The following VEPH1 variants were observed in gnomAD, a reference collection of about 807,000 sequenced individuals.
VEPH1 encodes the protein ventricular zone-expressed PH domain-containing protein homolog 1.
Under a neutral mutation model 85.2 loss-of-function variants are expected in VEPH1, and 80 were observed. The observed-to-expected ratio is 0.94, with a 90% CI of 0.78 to 1.13. VEPH1 has a LOEUF of 1.13. Among genes scored for constraint, VEPH1 ranks in the 50% most tolerant of loss-of-function variants. The probability of loss-of-function intolerance (pLI) is 0.00; values close to 1 mark genes in which losing one functional copy is unlikely to be tolerated. For missense variants in VEPH1, 955 were observed against 980.5 expected, an observed-to-expected ratio of 0.97 and a Z score of 0.35; for synonymous variants, 297 against 348.0, an observed-to-expected ratio of 0.85 and a Z score of 1.63.
intron 12 of VEPH1, among the ~76,000 whole-genome samples, chr3:157,277,371 T>A (rs550476959): frequency 6.6e-6 from 1 of 152,328 alleles, no homozygotes; most frequent in East Asian, 1.9e-4. Context: ...ATTGTAGAGT[T>A]TGCCTGGGGT....
At chr3:157,325,529 A>G (rs545348675) in intron 9 of VEPH1, among the ~76,000 whole-genome samples, 13 of 152,238 alleles carry the variant, frequency 8.5e-5, no homozygotes, top group African/African-American at 3.1e-4. Flanking sequence ...AGGTGTAAGG[A>G]AGGGGTCCAG....
In VEPH1 at chr3:157,414,011, A is replaced by G. The variant is rs768238298; in HGVS notation, c.776T>C (p.Ile259Thr). Reference protein sequence around the residue: ...THNDIILNILIEIAVYEPVAL... With the variant: ...THNDIILNILTEIAVYEPVAL... ...CACTGGCTCATAGACTGCTATCTCT[A>G]TGAGGATGTTTAGGATGATGTCATT... is the stretch of plus-strand genomic sequence containing the variant. Residue 259 changes from isoleucine (I) to threonine (T), a missense_variant, in exon 6 of 14, where the codon ATA (isoleucine) becomes ACA (threonine). Transcript: ENST00000362010. 6.2e-6 allele frequency: 10 copies of G among 1,613,448 alleles called. No homozygotes were observed. In the East Asian group the frequency reaches 8.9e-5, roughly 14 times the overall value.
At chr3:157,306,502 C>T (rs945464480) in intron 11 of VEPH1, among the ~76,000 whole-genome samples, 2 of 152,056 alleles carry the variant, frequency 1.3e-5, no homozygotes, top group African/African-American at 4.8e-5. Flanking sequence ...AATTAATTCA[C>T]TTTACCTGCC....
chr3:157,425,788 T>C (rs1732712498), intron 5 of VEPH1, among the ~76,000 whole-genome samples: 2 of 152,146 alleles, frequency 1.3e-5, no homozygotes, highest in South Asian at 2.1e-4. Context: ...GGTTTTGAAA[T>C]GTGAGGACAT....
At chr3:157,329,630 T>TAA (rs1461799135) in intron 9 of VEPH1, among the ~76,000 whole-genome samples, 3 of 152,138 alleles carry the variant, frequency 2.0e-5, no homozygotes, top group African/African-American at 7.2e-5. Context: ...CCTTTTTTTT[T>TAA]TTACTATTTC....
chr3:157,330,367 C>T (rs1324518922), intron 9 of VEPH1, among the ~76,000 whole-genome samples: 1 of 152,178 alleles, frequency 6.6e-6, no homozygotes, highest in African/African-American at 2.4e-5. Flanking sequence ...AACCCATCTG[C>T]ACTGTATGAT....
chr3:157,302,677 T>C (rs1235827346), intron 11 of VEPH1, among the ~76,000 whole-genome samples: 2 of 152,328 alleles, frequency 1.3e-5, no homozygotes, highest in East Asian at 1.9e-4. Context: ...TATTTTGTTA[T>C]AGCAGCCCAA....
intron 9 of VEPH1, among the ~76,000 whole-genome samples, chr3:157,323,284 T>C (rs1243198498): frequency 1.3e-5 from 2 of 152,226 alleles, no homozygotes; most frequent in African/African-American, 4.8e-5. Context: ...AATAACTGTT[T>C]GAAATTACAT....
At chr3:157,424,891 G>A (rs1015157539) in intron 5 of VEPH1, among the ~76,000 whole-genome samples, 11 of 152,172 alleles carry the variant, frequency 7.2e-5, no homozygotes, top group South Asian at 2.1e-4. Flanking sequence ...AATTCAAGCC[G>A]GATGCAGAAA....
At chr3:157,282,130 A>G (rs1716209259) in intron 12 of VEPH1, among the ~76,000 whole-genome samples, 1 of 152,234 alleles carries the variant, frequency 6.6e-6, no homozygotes, top group East Asian at 1.9e-4. Context: ...TTGCCCATGT[A>G]TTCATAATCT....
intron 2 of VEPH1, among the ~76,000 whole-genome samples, chr3:157,479,161 T>C (rs1009323882): frequency 9.2e-5 from 14 of 152,294 alleles, no homozygotes; most frequent in African/African-American, 3.1e-4. Context: ...GAAATACATA[T>C]GTGTATGTGT....
chr3:157,436,987 G>A, intron 4 of VEPH1: 1 of 1,614,038 alleles, frequency 6.2e-7, no homozygotes, highest in Non-Finnish European at 8.5e-7. Context: ...TGTTGGCCGA[G>A]AACTCGGATG....
chr3:157,318,687 T>G (rs1433460582), intron 9 of VEPH1, among the ~76,000 whole-genome samples: 7 of 149,400 alleles, frequency 4.7e-5, no homozygotes. Flanking sequence ...AGAAAGAAAA[T>G]TAATAGATTC....
At chr3:157,294,355 G>C (rs77464295) in intron 11 of VEPH1, among the ~76,000 whole-genome samples, 19 of 152,082 alleles carry the variant, frequency 1.2e-4, no homozygotes, top group African/African-American at 4.1e-4. Context: ...GAACAGATAC[G>C]TATTCTTGAA....
intron 9 of VEPH1, among the ~76,000 whole-genome samples, chr3:157,326,359 T>C (rs757605931): frequency 6.6e-6 from 1 of 152,176 alleles, no homozygotes; most frequent in Non-Finnish European, 1.5e-5. Context: ...GGAATGGTGA[T>C]AGAGTAGATA....
intron 9 of VEPH1, 57 bp downstream of exon 9, chr3:157,363,307 T>G (rs1043416692): frequency 3.5e-5 from 51 of 1,463,800 alleles, no homozygotes; most frequent in Non-Finnish European, 4.5e-5. Flanking sequence ...TTGAGCTTTT[T>G]GTTTATTTGC....
intron 2 of VEPH1, chr3:157,493,330 A>G: frequency 2.2e-6 from 1 of 455,622 alleles, no homozygotes; most frequent in South Asian, 1.6e-5. Flanking sequence ...GATTACTGAG[A>G]TCCAAGGTCA....
intron 11 of VEPH1, among the ~76,000 whole-genome samples, chr3:157,288,910 C>T (rs897153136): frequency 1.3e-5 from 2 of 152,044 alleles, no homozygotes; most frequent in African/African-American, 4.8e-5. Context: ...CCTTTAATAC[C>T]GTATCTCAGG....
intron 12 of VEPH1, among the ~76,000 whole-genome samples, chr3:157,273,680 C>A (rs115773741): frequency 3.4e-4 from 52 of 152,196 alleles, no homozygotes; most frequent in African/African-American, 1.3e-3. Flanking sequence ...ATCAGAGAGA[C>A]CAATCCTAAA....
Sources: allele counts gnomAD v4.1 joint callset (sites outside exome capture counted in the v4.1 genomes callset), GRCh38; gene constraint gnomAD v4.1.1; transcripts MANE v1.5; gene names NCBI Gene and HGNC (gene_info 2026-07-23, HGNC 2026-07-21).